Variants in SRGAP3 observed in about 807,000 individuals in gnomAD.
The protein encoded by SRGAP3 is SLIT-ROBO Rho GTPase-activating protein 3.
Under a neutral mutation model 121.1 loss-of-function variants are expected in SRGAP3, and 39 were observed. That is an observed-to-expected ratio of 0.32 (90% CI 0.25 to 0.42). SRGAP3 has a LOEUF of 0.42. SRGAP3 is among the 10% of genes least tolerant of loss of function. The pLI, the probability that SRGAP3 is intolerant of heterozygous loss-of-function variation, is 1.00. For synonymous variants in SRGAP3, 601 were observed against 570.0 expected, an observed-to-expected ratio of 1.05 and a Z score of -0.77; for missense variants, 1,213 against 1,470.6, an observed-to-expected ratio of 0.82 and a Z score of 2.86.
At chr3:9,175,242 C>A (rs891195719) in intron 1 of SRGAP3, among the ~76,000 whole-genome samples, 2 of 152,162 alleles carry the variant, frequency 1.3e-5, no homozygotes, top group African/African-American at 4.8e-5. Flanking sequence ...CCACAGCAGG[C>A]TGGTTTCTAT....
intron 9 of SRGAP3, 142 bp downstream of exon 9, chr3:9,052,885 A>T: frequency 2.0e-6 from 2 of 1,020,108 alleles, no homozygotes; most frequent in Non-Finnish European, 2.9e-6. Context: ...CAGGCAACTT[A>T]ATTTTAAAAG....
intron 3 of SRGAP3, among the ~76,000 whole-genome samples, chr3:9,318,731 T>C (rs1188157996): frequency 4.0e-5 from 6 of 150,566 alleles, no homozygotes; most frequent in Admixed American, 2.0e-4. Context: ...AAAATTTAAA[T>C]AGCCAGGCAT....
intron 3 of SRGAP3, among the ~76,000 whole-genome samples, chr3:9,095,516 T>C (rs1947931866): frequency 1.3e-5 from 2 of 152,212 alleles, no homozygotes; most frequent in Non-Finnish European, 2.9e-5. Context: ...TTTATGTATA[T>C]ATAAAATTAG....
At chr3:9,327,340 G>A (rs1281844956) in intron 2 of SRGAP3, among the ~76,000 whole-genome samples, 1 of 150,168 alleles carries the variant, frequency 6.7e-6, no homozygotes, top group Non-Finnish European at 1.5e-5. Context: ...TACAATTAAT[G>A]TTCTATAAAC....
At chr3:9,019,474 G>T (rs1943804554) in intron 14 of SRGAP3, among the ~76,000 whole-genome samples, 1 of 152,228 alleles carries the variant, frequency 6.6e-6, no homozygotes, top group Non-Finnish European at 1.5e-5. Flanking sequence ...TCACCACTGT[G>T]AATTTCCATG....
intron 3 of SRGAP3, among the ~76,000 whole-genome samples, chr3:9,274,961 G>C (rs765685175): frequency 2.0e-5 from 3 of 151,944 alleles, no homozygotes; most frequent in Non-Finnish European, 4.4e-5. Flanking sequence ...CAGGCCATGG[G>C]TGGTTTTGGA....
At chr3:9,177,280 A>G (rs1314350714) in intron 1 of SRGAP3, among the ~76,000 whole-genome samples, 1 of 152,224 alleles carries the variant, frequency 6.6e-6, no homozygotes, top group Non-Finnish European at 1.5e-5. Flanking sequence ...AAATAATCCT[A>G]TAAGAAATTT....
intron 1 of SRGAP3, among the ~76,000 whole-genome samples, chr3:9,213,872 G>C (rs928576292): frequency 2.0e-5 from 3 of 152,046 alleles, no homozygotes; most frequent in African/African-American, 7.2e-5. Flanking sequence ...TCCCACCCCA[G>C]GGACTTTGCA....
Position 9,268,041 on chromosome 3 carries a change from AG to A in SRGAP3, n.442+57968del, listed in dbSNP as rs534111594. On this transcript the variant is annotated intron_variant and non_coding_transcript_variant, in intron 3 of 3. Coordinates refer to the SRGAP3 transcript ENST00000490889. ...CAAGGATGGCCTCAGACCAACAGGA[AG>A]CAAGGACCCGAGGCCCTCATCCAAC... is the stretch of plus-strand genomic sequence containing the variant. Among the ~76,000 whole-genome samples, 84 of 152,254 alleles carry A rather than the reference AG, an allele frequency of 5.5e-4. No individual in the cohort carries two copies. In the South Asian group the frequency reaches 6.2e-3, roughly 11 times the overall value.
rs1161276299 is a variant in SRGAP3, at chr3:9,343,978, A to ATAATTAAAAATTG, written n.215-13383_215-13382insCAATTTTTAATTA. Reference sequence around the variant, plus strand: ...CTTTTAAAAATTATAATTAAAAATTAGTCTTGGGAACAATTTTTCTGTATC... The same window carrying ATAATTAAAAATTG: ...CTTTTAAAAATTATAATTAAAAATTATAATTAAAAATTGGTCTTGGGAACAATTTTTCTGTATC... On this transcript the variant is annotated intron_variant and non_coding_transcript_variant, in intron 1 of 3. Coordinates refer to the SRGAP3 transcript ENST00000490889. Among the ~76,000 whole-genome samples the ATAATTAAAAATTG allele has an allele frequency of 5.0e-4, 76 of 152,354 alleles. No individual in the cohort carries two copies. In the East Asian group the frequency reaches 0.011, roughly 22 times the overall value.
At chr3:9,227,619 G>T (rs550529256) in intron 1 of SRGAP3, among the ~76,000 whole-genome samples, 1 of 152,238 alleles carries the variant, frequency 6.6e-6, no homozygotes, top group African/African-American at 2.4e-5. Flanking sequence ...TGTTTGGGCA[G>T]AATTACTTCT....
intron 12 of SRGAP3, among the ~76,000 whole-genome samples, chr3:9,030,155 A>AT (rs1364460822): frequency 9.8e-6 from 1 of 102,218 alleles, no homozygotes; most frequent in Non-Finnish European, 2.0e-5. Context: ...GCCTCAATAA[A>AT]TGAATGAATG....
intron 1 of SRGAP3, among the ~76,000 whole-genome samples, chr3:9,160,350 G>A (rs1371561440): frequency 5.9e-5 from 9 of 152,134 alleles, no homozygotes; most frequent in Admixed American, 5.9e-4. Context: ...CCAAGCCTAG[G>A]TCATACAAGG....
At chr3:9,004,746 T>C (rs1332739650) in intron 18 of SRGAP3, among the ~76,000 whole-genome samples, 1 of 152,178 alleles carries the variant, frequency 6.6e-6, no homozygotes, top group Non-Finnish European at 1.5e-5. Flanking sequence ...AGTTTGACCA[T>C]TACCTTATGC....
intron 16 of SRGAP3, 27 bp from the exon 17 acceptor site, chr3:9,013,562 C>A: frequency 2.5e-6 from 4 of 1,612,006 alleles, no homozygotes; most frequent in Non-Finnish European, 3.4e-6. Context: ...ACCCACAAGT[C>A]ATCTGGGAAA....
chr3:9,093,058 G>C (rs1176749002), intron 3 of SRGAP3, among the ~76,000 whole-genome samples: 1 of 152,098 alleles, frequency 6.6e-6, no homozygotes, highest in African/African-American at 2.4e-5. Context: ...GAAGTGACAG[G>C]GCTGTCTTCC....
chr3:9,295,890 T>C (rs1035267872), intron 3 of SRGAP3, among the ~76,000 whole-genome samples: 3 of 152,302 alleles, frequency 2.0e-5, no homozygotes, highest in African/African-American at 7.2e-5. Context: ...AGGAATCATA[T>C]ACATATACCC....
rs1942249144 is a variant in SRGAP3, at chr3:8,994,231, A to G, written c.2408+112T>C. The G allele has an allele frequency of 1.6e-5, 22 of 1,350,066 alleles. No individual in the cohort carries two copies. The East Asian group carries it at 2.3e-4, about 14-fold the overall frequency. The allele number at this position is 1,350,066 out of a possible 1,614,324, so 83.6% of individuals were successfully genotyped here. Reference sequence around the variant, plus strand: ...ATTGTTAGAGAAGAACAAGCGTATGATATCAAGGAGAGCAAATTGCTGGCA... The same window carrying G: ...ATTGTTAGAGAAGAACAAGCGTATGGTATCAAGGAGAGCAAATTGCTGGCA... On this transcript the variant is annotated intron_variant, in intron 19 of 21. Transcript: ENST00000383836.
chr3:9,103,814 TG>T (rs1948310089), intron 3 of SRGAP3, among the ~76,000 whole-genome samples: 1 of 152,240 alleles, frequency 6.6e-6, no homozygotes. Context: ...TGCCAGGCAC[TG>T]TGCAAGGAAC....
Sources: allele counts gnomAD v4.1 joint callset (sites outside exome capture counted in the v4.1 genomes callset), GRCh38; gene constraint gnomAD v4.1.1; transcripts MANE v1.5; gene names NCBI Gene and HGNC (gene_info 2026-07-23, HGNC 2026-07-21).